The following EDIL3 variants were observed in gnomAD, a reference collection of about 807,000 sequenced individuals.
EDIL3 encodes EGF like and discoidin domains 3.
A neutral mutation model predicts 67.4 loss-of-function variants in EDIL3; 37 were observed. The observed-to-expected ratio is 0.55, with a 90% CI of 0.42 to 0.72. The LOEUF (loss-of-function observed/expected upper bound fraction) is 0.72, where lower values mean the gene tolerates loss of function less well. EDIL3 is among the 30% of genes least tolerant of loss of function. The pLI is 0.00. For missense variants in EDIL3, 527 were observed against 586.3 expected, an observed-to-expected ratio of 0.90 and a Z score of 1.04; for synonymous variants, 195 against 196.3, an observed-to-expected ratio of 0.99 and a Z score of 0.05.
chr5:84,265,666 CT>C (rs1745333677), intron 1 of EDIL3, among the ~76,000 whole-genome samples: 1 of 152,196 alleles, frequency 6.6e-6, no homozygotes, highest in South Asian at 2.1e-4. Context: ...CCACAACAGT[CT>C]TAGGGAGCAA....
intron 9 of EDIL3, among the ~76,000 whole-genome samples, chr5:84,037,716 C>T (rs1265617296): frequency 1.3e-5 from 2 of 151,996 alleles, no homozygotes; most frequent in Non-Finnish European, 2.9e-5. Flanking sequence ...ATTTTTTCCC[C>T]TAAGAGTTGA....
At chr5:84,179,797 CT>C in intron 4 of EDIL3, among the ~76,000 whole-genome samples, 1 of 152,224 alleles carries the variant, frequency 6.6e-6, no homozygotes, top group Non-Finnish European at 1.5e-5. Context: ...CACACCATTC[CT>C]TTGACATTTA....
At chr5:84,032,745 G>C (rs1416912535) in intron 9 of EDIL3, among the ~76,000 whole-genome samples, 12 of 152,032 alleles carry the variant, frequency 7.9e-5, no homozygotes, top group Non-Finnish European at 1.3e-4. Context: ...ATTACTAATG[G>C]GACTTTTTAA....
intron 10 of EDIL3, among the ~76,000 whole-genome samples, chr5:83,951,263 C>T (rs903001567): frequency 2.6e-5 from 4 of 151,708 alleles, no homozygotes; most frequent in Non-Finnish European, 4.4e-5. Flanking sequence ...CATTGTTGCT[C>T]TCAAGAAATT....
intron 3 of EDIL3, among the ~76,000 whole-genome samples, chr5:84,222,223 A>G (rs536727429): frequency 1.3e-5 from 2 of 151,972 alleles, no homozygotes; most frequent in Non-Finnish European, 2.9e-5. Context: ...CACAAAATAC[A>G]TATTTGTTTT....
intron 1 of EDIL3, among the ~76,000 whole-genome samples, chr5:84,342,470 T>C (rs1211459501): frequency 1.3e-5 from 2 of 151,916 alleles, no homozygotes; most frequent in East Asian, 1.9e-4. Context: ...AGGTATAATA[T>C]ACATTATTCC....
intron 3 of EDIL3, among the ~76,000 whole-genome samples, chr5:84,202,913 A>G (rs904679363): frequency 2.6e-5 from 4 of 152,148 alleles, no homozygotes; most frequent in African/African-American, 9.7e-5. Flanking sequence ...TAAGCTACCC[A>G]GATTTGGCAG....
intron 4 of EDIL3, among the ~76,000 whole-genome samples, chr5:84,174,406 C>A (rs1448527830): frequency 6.6e-6 from 1 of 152,178 alleles, no homozygotes. Flanking sequence ...AATACACTCT[C>A]ATATATGGTA....
chr5:83,962,150 C>T (rs776469043), intron 10 of EDIL3, among the ~76,000 whole-genome samples: 3 of 151,382 alleles, frequency 2.0e-5, no homozygotes, highest in Non-Finnish European at 4.4e-5. Flanking sequence ...AAATTCTCTG[C>T]CTTGAATATT....
At chr5:84,003,033 C>T (rs1442729873) in intron 9 of EDIL3, among the ~76,000 whole-genome samples, 1 of 152,094 alleles carries the variant, frequency 6.6e-6, no homozygotes, top group Non-Finnish European at 1.5e-5. Context: ...TCTGCCACTG[C>T]TGTTGTAGTG....
At chr5:84,352,153 G>A (rs997955497) in intron 1 of EDIL3, among the ~76,000 whole-genome samples, 6 of 152,090 alleles carry the variant, frequency 3.9e-5, no homozygotes, top group Admixed American at 3.9e-4. Context: ...TGTTGGTGAG[G>A]ATGCAGAGAA....
At chr5:84,167,974 A>T (rs998770131) in intron 4 of EDIL3, among the ~76,000 whole-genome samples, 2 of 152,342 alleles carry the variant, frequency 1.3e-5, no homozygotes, top group East Asian at 3.9e-4. Flanking sequence ...CTCATTTGGA[A>T]ATATTTCAAT....
intron 5 of EDIL3, among the ~76,000 whole-genome samples, chr5:84,129,166 C>A (rs1747917667): frequency 1.3e-5 from 2 of 152,092 alleles, no homozygotes; most frequent in African/African-American, 2.4e-5. Context: ...GATAGAACTT[C>A]CATGTCAGGC....
At chr5:84,148,969 C>T (rs1244562099) in intron 4 of EDIL3, among the ~76,000 whole-genome samples, 5 of 102,490 alleles carry the variant, frequency 4.9e-5, no homozygotes, top group South Asian at 3.1e-4. Context: ...ACAACAAAAA[C>T]GACAAAAAAA....
intron 4 of EDIL3, among the ~76,000 whole-genome samples, chr5:84,169,099 G>A (rs548867026): frequency 1.7e-4 from 26 of 151,976 alleles, no homozygotes; most frequent in South Asian, 8.3e-4. Context: ...TACTTGGTAG[G>A]AGCAAGCTTC....
intron 4 of EDIL3, among the ~76,000 whole-genome samples, chr5:84,178,441 A>G (rs1748957780): frequency 6.6e-6 from 1 of 152,194 alleles, no homozygotes; most frequent in Admixed American, 6.5e-5. Context: ...TGTTTTTCCT[A>G]GCTGAAGAAG....
At chr5:84,373,013 A>G (rs751317338) in intron 1 of EDIL3, among the ~76,000 whole-genome samples, 5 of 152,070 alleles carry the variant, frequency 3.3e-5, no homozygotes, top group Non-Finnish European at 7.4e-5. Flanking sequence ...TTTTCCTCAT[A>G]TAACTTCTGG....
rs191537088 is a variant in EDIL3, at chr5:84,250,060, C to T, written c.196+4024G>A. On this transcript the variant is annotated intron_variant, in intron 2 of 10. Transcript: ENST00000296591. ...GAGTGAGTAATTGGGAAGCAATTTG[C>T]GGCTTAGCCACATGGTGGTCTGTCC... Among the ~76,000 whole-genome samples, 98 of 152,314 alleles carry T rather than the reference C, an allele frequency of 6.4e-4. 1 individual carries two copies. The highest frequency in any genetic ancestry group is 4.1e-4 in the Non-Finnish European group (28 of 68,030).
chr5:84,331,008 G>C (rs939931682), intron 1 of EDIL3, among the ~76,000 whole-genome samples: 4 of 152,166 alleles, frequency 2.6e-5, no homozygotes, highest in Non-Finnish European at 4.4e-5. Context: ...GGAACTTTAA[G>C]GTTTAATGAC....
Sources: gnomAD v4.1 joint callset for allele counts (sites outside exome capture counted in the v4.1 genomes callset) on GRCh38, gnomAD v4.1.1 for gene constraint, MANE v1.5 for transcripts, NCBI Gene and HGNC (gene_info 2026-07-23, HGNC 2026-07-21) for gene names.